Variants in NFIA observed in about 807,000 individuals in gnomAD.
The protein encoded by NFIA is nuclear factor I A, also known as nuclear factor 1 A-type.
Under a neutral mutation model 62.8 loss-of-function variants are expected in NFIA, and 8 were observed. The observed-to-expected ratio is 0.13, with a 90% CI of 0.07 to 0.23. The LOEUF is 0.23. NFIA is among the 10% of genes least tolerant of loss of function. The pLI is 1.00. For missense variants in NFIA, 410 were observed against 642.1 expected (o/e 0.64, Z 3.91); for synonymous variants, 235 against 238.1 (o/e 0.99, Z 0.12).
chr1:61,324,642 C>T (rs1660838012), intron 3 of NFIA, among the ~76,000 whole-genome samples: 3 of 152,280 alleles, frequency 2.0e-5, no homozygotes, highest in South Asian at 4.1e-4. Flanking sequence ...TGGCCTTGAC[C>T]TCTGAACAGC....
At chr1:61,289,123 C>T (rs7539370) in intron 3 of NFIA, among the ~76,000 whole-genome samples, 6,517 of 152,170 alleles carry the variant, frequency 0.043, 480 homozygotes, top group African/African-American at 0.15. Flanking sequence ...GAGCTTAAGT[C>T]CCCTGTTGGA....
chr1:61,300,263 G>A (rs961312986), intron 3 of NFIA, among the ~76,000 whole-genome samples: 12 of 152,040 alleles, frequency 7.9e-5, no homozygotes, highest in African/African-American at 1.9e-4. Flanking sequence ...TTGCTTATGC[G>A]TTATCTCATG....
chr1:61,320,109 T>C (rs1295389733), intron 3 of NFIA, among the ~76,000 whole-genome samples: 1 of 150,586 alleles, frequency 6.6e-6, no homozygotes, highest in Non-Finnish European at 1.5e-5. Flanking sequence ...CCATTCTACT[T>C]CTTTTTTTTT....
At chr1:61,395,286 G>GTTTTTTT (rs371283588) in intron 7 of NFIA, among the ~76,000 whole-genome samples, 1 of 134,318 alleles carries the variant, frequency 7.4e-6, no homozygotes, top group African/African-American at 2.8e-5. Context: ...GTGTGTGTGT[G>GTTTTTTT]TGTTTTTTTT....
chr1:61,186,177 A>T (rs369183146), intron 2 of NFIA, among the ~76,000 whole-genome samples: 2 of 152,074 alleles, frequency 1.3e-5, no homozygotes, highest in African/African-American at 4.8e-5. Context: ...GGTGGAGCAC[A>T]CTGGTTGGGA....
At chr1:61,164,125 G>A (rs1439612027) in intron 2 of NFIA, among the ~76,000 whole-genome samples, 4 of 151,994 alleles carry the variant, frequency 2.6e-5, no homozygotes, top group African/African-American at 9.7e-5. Context: ...AGTGAGTCCA[G>A]CAGTAATAGC....
intron 2 of NFIA, among the ~76,000 whole-genome samples, chr1:61,246,499 G>C (rs936474902): frequency 6.6e-6 from 1 of 152,134 alleles, no homozygotes. Flanking sequence ...CAGAACCCCT[G>C]CATGACTTCA....
chr1:61,200,024 A>ATATGTG, intron 2 of NFIA, among the ~76,000 whole-genome samples: 1 of 27,238 alleles, frequency 3.7e-5, no homozygotes, highest in African/African-American at 1.9e-4. Context: ...ATATATATAT[A>ATATGTG]TATATATATA....
chr1:61,390,733 G>C (rs1028736095), intron 7 of NFIA, among the ~76,000 whole-genome samples: 2 of 152,124 alleles, frequency 1.3e-5, no homozygotes, highest in African/African-American at 4.8e-5. Flanking sequence ...GGGAAGGAGA[G>C]GTAAAATAGG....
chr1:61,202,870 A>G (rs1051963149), intron 2 of NFIA, among the ~76,000 whole-genome samples: 16 of 152,244 alleles, frequency 1.1e-4, no homozygotes, highest in African/African-American at 3.6e-4. Flanking sequence ...CTAACTATAT[A>G]CAGCACTTCA....
intron 2 of NFIA, among the ~76,000 whole-genome samples, chr1:61,257,633 C>T (rs1402878096): frequency 6.6e-6 from 1 of 152,002 alleles, no homozygotes; most frequent in Non-Finnish European, 1.5e-5. Flanking sequence ...CCACCACACC[C>T]AGCTCTACTG....
At chr1:61,165,150 A>G (rs2100541904) in intron 2 of NFIA, among the ~76,000 whole-genome samples, 1 of 152,334 alleles carries the variant, frequency 6.6e-6, no homozygotes, top group South Asian at 2.1e-4. Context: ...ATACCATTTA[A>G]TGTTATTTCT....
chr1:61,310,875 CAT>C lies in NFIA; in HGVS notation c.626-21636_626-21635del, dbSNP rs1407366462. Among the ~76,000 whole-genome samples the C allele has an allele frequency of 2.6e-5, 4 of 151,810 alleles. No individual in the cohort carries two copies. The East Asian group carries it at 7.8e-4, about 29-fold the overall frequency. On this transcript the variant is annotated intron_variant, in intron 3 of 10. Transcript: ENST00000403491. ...CTGCGCTTTTGTTGCCCCTGGCACA[CAT>C]GTGACTCCACCTGGGTGGTGAGCCC...
intron 3 of NFIA, among the ~76,000 whole-genome samples, chr1:61,307,908 T>C (rs147812718): frequency 6.6e-6 from 1 of 152,308 alleles, no homozygotes; most frequent in African/African-American, 2.4e-5. Context: ...ATGTCAGTTG[T>C]TGTTGTTGTT....
intron 2 of NFIA, among the ~76,000 whole-genome samples, chr1:61,158,601 CAG>C (rs1484263386): frequency 1.3e-5 from 2 of 152,136 alleles, no homozygotes; most frequent in Non-Finnish European, 2.9e-5. Flanking sequence ...TTCTATTTAA[CAG>C]AGAATCTCAA....
intron 10 of NFIA, among the ~76,000 whole-genome samples, chr1:61,430,852 T>G (rs527443541): frequency 6.6e-6 from 1 of 152,272 alleles, no homozygotes; most frequent in South Asian, 2.1e-4. Flanking sequence ...TCTGCTACCA[T>G]CATTTGCCCC....
Position 61,277,136 on chromosome 1 carries a change from A to G in NFIA, c.560-384A>G, listed in dbSNP as rs1437513202. On this transcript the variant is annotated intron_variant, in intron 2 of 10. Coordinates refer to ENST00000403491, the MANE Select transcript of NFIA (RefSeq NM_001134673.4). ...TCAAAATATGTTTTGACACTTTATT[A>G]TGTTCTGAATCAAGCTTCAGATGTG... Among the ~76,000 whole-genome samples, 4 of 152,208 alleles carry G rather than the reference A, an allele frequency of 2.6e-5. No homozygotes were observed. In the South Asian group the frequency reaches 8.3e-4, roughly 32 times the overall value.
Position 61,329,757 on chromosome 1 carries a change from A to G in NFIA, c.626-2755A>G, listed in dbSNP as rs1440816474. ...GCCCCTAGCATGATGCATGGCACATAGTAGGTACTCCGTAGACATTTATTG... is the reference window on the plus strand; with the variant it reads ...GCCCCTAGCATGATGCATGGCACATGGTAGGTACTCCGTAGACATTTATTG... On this transcript the variant is annotated intron_variant, in intron 3 of 10. Transcript: ENST00000403491. 2.0e-5 allele frequency among the ~76,000 whole-genome samples: 3 copies of G among 152,200 alleles called. No individual in the cohort carries two copies. In the East Asian group the frequency reaches 5.8e-4, roughly 29 times the overall value.
chr1:61,150,849 A>G (rs1378965115), intron 2 of NFIA, among the ~76,000 whole-genome samples: 1 of 152,130 alleles, frequency 6.6e-6, no homozygotes, highest in Non-Finnish European at 1.5e-5. Flanking sequence ...AACAAAGACC[A>G]TATTAGTAAG....
Sources: gnomAD v4.1 joint callset for allele counts (sites outside exome capture counted in the v4.1 genomes callset) on GRCh38, gnomAD v4.1.1 for gene constraint, MANE v1.5 for transcripts, NCBI Gene and HGNC (gene_info 2026-07-23, HGNC 2026-07-21) for gene names.